The following PDE4D variants were observed in gnomAD, a reference collection of about 807,000 sequenced individuals.
The protein encoded by PDE4D is 3',5'-cyclic-AMP phosphodiesterase 4D.
PDE4D carries 24 observed loss-of-function variants against 87.4 expected under a neutral mutation model. The ratio of observed to expected loss-of-function variants is 0.27; its 90% CI spans 0.20 to 0.39. The LOEUF (loss-of-function observed/expected upper bound fraction) is 0.39. Among genes scored for constraint, PDE4D ranks in the 10% least tolerant of loss-of-function variants. The pLI, the probability that PDE4D is intolerant of heterozygous loss-of-function variation, is 1.00. For synonymous variants in PDE4D, 384 were observed against 383.2 expected (o/e 1.00, Z -0.02); for missense variants, 714 against 1,041.0 (o/e 0.69, Z 4.32).
At chr5:59,577,186 A>G (rs1485531961) in intron 1 of PDE4D, among the ~76,000 whole-genome samples, 2 of 152,166 alleles carry the variant, frequency 1.3e-5, no homozygotes, top group Non-Finnish European at 2.9e-5. Flanking sequence ...TGAGAAATGT[A>G]TAGGTTGCAT....
chr5:59,801,929 G>C (rs1767174486), intron 1 of PDE4D, among the ~76,000 whole-genome samples: 1 of 152,108 alleles, frequency 6.6e-6, no homozygotes. Flanking sequence ...TTCATGCTTT[G>C]TGCAACGTGC....
intron 1 of PDE4D, among the ~76,000 whole-genome samples, chr5:59,892,135 C>T (rs1751043877): frequency 1.3e-5 from 2 of 152,128 alleles, no homozygotes; most frequent in Admixed American, 1.3e-4. Context: ...AAGGAGCTGT[C>T]CCTGGGTTAT....
intron 2 of PDE4D, among the ~76,000 whole-genome samples, chr5:60,151,948 C>A (rs1781546395): frequency 6.6e-6 from 1 of 152,052 alleles, no homozygotes; most frequent in Non-Finnish European, 1.5e-5. Context: ...GAGTTTTTGT[C>A]ATGAAAAGGT....
chr5:60,055,644 C>T (rs1770691872), intron 2 of PDE4D, among the ~76,000 whole-genome samples: 1 of 152,088 alleles, frequency 6.6e-6, no homozygotes, highest in Admixed American at 6.6e-5. Flanking sequence ...ATATATCTCA[C>T]TTCATCCTCA....
At chr5:59,502,471 C>T (rs1808456814) in intron 1 of PDE4D, among the ~76,000 whole-genome samples, 2 of 152,018 alleles carry the variant, frequency 1.3e-5, no homozygotes, top group Non-Finnish European at 2.9e-5. Context: ...CTTCCATATT[C>T]TTCTACCCAA....
At chr5:59,020,494 T>G (rs951309975) in intron 6 of PDE4D, among the ~76,000 whole-genome samples, 4 of 148,054 alleles carry the variant, frequency 2.7e-5, no homozygotes, top group African/African-American at 9.9e-5. Flanking sequence ...AAAAAAAAAG[T>G]GATGATGTCA....
chr5:59,255,921 A>G (rs1333088957), intron 1 of PDE4D, among the ~76,000 whole-genome samples: 1 of 152,132 alleles, frequency 6.6e-6, no homozygotes, highest in Non-Finnish European at 1.5e-5. Context: ...GTATTGTCTT[A>G]TAGTTGTGCA....
At chr5:59,857,425 T>C (rs1009324530) in intron 1 of PDE4D, among the ~76,000 whole-genome samples, 2 of 152,170 alleles carry the variant, frequency 1.3e-5, no homozygotes, top group African/African-American at 2.4e-5. Flanking sequence ...CCAGAATACA[T>C]CAAAGACTCT....
intron 3 of PDE4D, among the ~76,000 whole-genome samples, chr5:59,962,727 G>A (rs1188262170): frequency 6.6e-6 from 1 of 152,050 alleles, no homozygotes; most frequent in Non-Finnish European, 1.5e-5. Flanking sequence ...CCAAGCATAG[G>A]GGAAAATGTA....
chr5:59,390,957 G>A (rs116213980), intron 1 of PDE4D, among the ~76,000 whole-genome samples: 2,334 of 152,190 alleles, frequency 0.015, 75 homozygotes, highest in African/African-American at 0.054. Flanking sequence ...GAAAATACGT[G>A]GATGTGCCTC....
Position 58,990,881 on chromosome 5 carries a change from A to G in PDE4D, c.1210T>C (p.Trp404Arg). ...LAKELEDVNK[W>R]GLHVFRIAEL... ...GCTATTCTGAAAACATGAAGACCCC[A>G]TTTGTTCACATCTTCTAGTTCCTGG... The change falls in exon 9 of 15, where the codon TGG becomes CGG. Residue 404 changes from tryptophan (W) to arginine (R), a missense_variant. Trp to Arg is a moderately radical substitution (Grantham distance 101). Around this residue, in one of 7 missense-constraint regions of PDE4D, gnomAD observed 141 missense variants for 204.3 expected, o/e 0.69. Coordinates refer to ENST00000340635, the MANE Select transcript of PDE4D (RefSeq NM_001104631.2). 6.3e-7 allele frequency: 1 copy of G among 1,591,842 alleles called. No homozygotes were observed. The highest frequency in any genetic ancestry group is 8.6e-7 in the Non-Finnish European group (1 of 1,164,844).
intron 1 of PDE4D, among the ~76,000 whole-genome samples, chr5:59,376,409 A>T (rs905991645): frequency 2.6e-5 from 4 of 152,318 alleles, no homozygotes; most frequent in Middle Eastern, 3.4e-3. Context: ...CTGAGAGCCA[A>T]ATCAGGAATG....
At chr5:58,986,055 T>G (rs773252735) in intron 11 of PDE4D, among the ~76,000 whole-genome samples, 1 of 152,220 alleles carries the variant, frequency 6.6e-6, no homozygotes, top group Non-Finnish European at 1.5e-5. Flanking sequence ...CAAAAAAACT[T>G]TAGCAATCCA....
chr5:59,769,659 T>C (rs1763246501), intron 1 of PDE4D, among the ~76,000 whole-genome samples: 1 of 152,208 alleles, frequency 6.6e-6, no homozygotes, highest in Non-Finnish European at 1.5e-5. Flanking sequence ...ATGTGGACAC[T>C]AGAAGTGCAG....
intron 3 of PDE4D, among the ~76,000 whole-genome samples, chr5:59,185,624 T>C (rs1207686721): frequency 2.0e-5 from 3 of 152,216 alleles, no homozygotes; most frequent in Non-Finnish European, 4.4e-5. Context: ...AAGCTCACTT[T>C]AGGGATAAAA....
At position 58,994,239 on chromosome 5, in the gene PDE4D, T is replaced by C. The variant is rs545102673; in HGVS notation, c.922-774A>G. On this transcript the variant is annotated intron_variant, in intron 6 of 14. Transcript: ENST00000340635. ...CAATCTACTTCACAGTTTTTATTACTGATGCCATAGTGCCTATTTCATTGA... is the reference window on the plus strand; with the variant it reads ...CAATCTACTTCACAGTTTTTATTACCGATGCCATAGTGCCTATTTCATTGA... 3.9e-5 allele frequency among the ~76,000 whole-genome samples: 6 copies of C among 152,322 alleles called. No homozygotes were observed. The South Asian group carries it at 1.2e-3, about 32-fold the overall frequency.
At chr5:60,450,912 A>C (rs1327255091) in intron 1 of PDE4D, among the ~76,000 whole-genome samples, 1 of 152,176 alleles carries the variant, frequency 6.6e-6, no homozygotes, top group East Asian at 1.9e-4. Flanking sequence ...TAAGGTTACC[A>C]GGCCATTACT....
rs999415085 is a variant in PDE4D, at chr5:59,815,366, G to A, written c.455+77802C>T. Among the ~76,000 whole-genome samples the A allele has an allele frequency of 8.5e-5, 13 of 152,308 alleles. 1 individual carries two copies. The highest frequency in any genetic ancestry group is 2.6e-4 in the African/African-American group (11 of 41,566). On this transcript the variant is annotated intron_variant, in intron 1 of 14. Coordinates refer to ENST00000340635, the MANE Select transcript of PDE4D (RefSeq NM_001104631.2). ...CGCAAGAGGGTGAAGTTATGCTCAG[G>A]GCAGCAGGCCTGGTTGGTGAGGATG...
chr5:59,643,759 T>C (rs1741994678), intron 1 of PDE4D, among the ~76,000 whole-genome samples: 1 of 152,156 alleles, frequency 6.6e-6, no homozygotes, highest in African/African-American at 2.4e-5. Flanking sequence ...CCTATATAAT[T>C]TGCATCCAAA....
Sources: allele counts gnomAD v4.1 joint callset (sites outside exome capture counted in the v4.1 genomes callset), GRCh38; gene constraint gnomAD v4.1.1; regional missense constraint gnomAD v4.1.1; transcripts MANE v1.5; gene names NCBI Gene and HGNC (gene_info 2026-07-23, HGNC 2026-07-21).